The following PIK3CB variants were observed in gnomAD, a reference collection of about 807,000 sequenced individuals.
PIK3CB encodes phosphatidylinositol 4,5-bisphosphate 3-kinase catalytic subunit beta isoform.
PIK3CB carries 39 observed loss-of-function variants against 136.8 expected under a neutral mutation model. That is an observed-to-expected ratio of 0.29 (90% confidence interval 0.22 to 0.37). The LOEUF (loss-of-function observed/expected upper bound fraction) is 0.37. PIK3CB is among the 10% of genes least tolerant of loss of function. The probability of loss-of-function intolerance (pLI) is 1.00; values close to 1 mark genes in which losing one functional copy is unlikely to be tolerated. For missense variants in PIK3CB, 868 were observed against 1,275.4 expected, an observed-to-expected ratio of 0.68 and a Z score of 4.87; for synonymous variants, 428 against 436.6, an observed-to-expected ratio of 0.98 and a Z score of 0.25.
chr3:138,701,361 G>T (rs1217963783), intron 12 of PIK3CB, among the ~76,000 whole-genome samples: 2 of 152,026 alleles, frequency 1.3e-5, no homozygotes, highest in Non-Finnish European at 2.9e-5. Context: ...GAGAAAACTG[G>T]CTAAATTTGA....
intron 19 of PIK3CB, among the ~76,000 whole-genome samples, chr3:138,667,650 C>T (rs2108433018): frequency 6.6e-6 from 1 of 151,530 alleles, no homozygotes; most frequent in African/African-American, 2.4e-5. Flanking sequence ...CAAGCTCCAC[C>T]TCCCGGGTTC....
intron 10 of PIK3CB, among the ~76,000 whole-genome samples, chr3:138,711,278 G>T (rs1452352718): frequency 6.7e-6 from 1 of 149,886 alleles, no homozygotes; most frequent in Non-Finnish European, 1.5e-5. Context: ...ATTAAAATAA[G>T]AAATATATTC....
chr3:138,828,619 C>G (rs1389453502), intron 1 of PIK3CB, among the ~76,000 whole-genome samples: 1 of 151,872 alleles, frequency 6.6e-6, no homozygotes, highest in Admixed American at 6.6e-5. Flanking sequence ...AATAAGCAAG[C>G]TGGGAGAGGT....
In PIK3CB at chr3:138,655,520, G is replaced by A. The variant is rs1453170251; in HGVS notation, c.3082C>T (p.Leu1028Phe). ...TCTTCTTCACTCTTCCCTAATGCAA[G>A]AGAGTCCTAAAATGGAAGGGGGAAA... ...VKDIQYLKDSLALGKSEEEAL... is the reference protein window; with the variant it reads ...VKDIQYLKDSFALGKSEEEAL... Residue 1028 changes from leucine to phenylalanine, a missense_variant, in exon 24 of 24, where the codon CTT becomes TTT. Coordinates refer to ENST00000674063, the MANE Select transcript of PIK3CB (RefSeq NM_006219.3). The A allele has an allele frequency of 2.5e-6, 4 of 1,610,008 alleles. No individual in the cohort carries two copies.
intron 2 of PIK3CB, among the ~76,000 whole-genome samples, chr3:138,779,388 CTTTTTTTTTTT>C (rs753018315): frequency 8.9e-6 from 1 of 112,058 alleles, no homozygotes; most frequent in Non-Finnish European, 1.7e-5. Context: ...GCCCGGCCTT[CTTTTTTTTTTT>C]TTTTTTTTTG....
intron 4 of PIK3CB, among the ~76,000 whole-genome samples, chr3:138,751,971 TAAAAA>T (rs11328258): frequency 8.7e-6 from 1 of 114,690 alleles, no homozygotes; most frequent in Non-Finnish European, 1.8e-5. Flanking sequence ...ACTCTGTATA[TAAAAA>T]AAAAAAAAAA....
At chr3:138,802,966 T>C (rs1261957018) in intron 1 of PIK3CB, among the ~76,000 whole-genome samples, 1 of 152,210 alleles carries the variant, frequency 6.6e-6, no homozygotes. Context: ...GCCAACTCTT[T>C]AGCTAAAAGA....
chr3:138,784,995 C>A (rs898253319), intron 2 of PIK3CB, among the ~76,000 whole-genome samples: 1 of 151,946 alleles, frequency 6.6e-6, no homozygotes. Flanking sequence ...CCCCTCCACC[C>A]GGCAGCCGCC....
chr3:138,660,712 C>CA (rs2043281113), intron 21 of PIK3CB, among the ~76,000 whole-genome samples: 1 of 151,966 alleles, frequency 6.6e-6, no homozygotes, highest in African/African-American at 2.4e-5. Flanking sequence ...GTTATCATCA[C>CA]AAAAAAAGAT....
intron 8 of PIK3CB, among the ~76,000 whole-genome samples, chr3:138,732,473 T>C (rs866669058): frequency 2.0e-5 from 3 of 152,086 alleles, no homozygotes; most frequent in African/African-American, 7.2e-5. Flanking sequence ...CAACAAACAT[T>C]TCAAACAAAC....
chr3:138,734,675 G>C lies in PIK3CB; in HGVS notation c.931C>G (p.Leu311Val), dbSNP rs1430112003. Residue 311 changes from leucine (L) to valine (V), a missense_variant, in exon 7 of 24, where the codon CTT becomes GTT. Coordinates refer to ENST00000674063, the MANE Select transcript of PIK3CB (RefSeq NM_006219.3). ...EAAINRNSSN[L>V]PLPLPPKKTR... is the part of the protein sequence containing the mutation. ...TTCTTTGGTGGTAATGGAAGAGGAA[G>C]ATTAGATGAATTTCGATTTATGGCA... 1 of 1,612,936 alleles carries C rather than the reference G, an allele frequency of 6.2e-7. No homozygotes were observed. Among genetic ancestry groups the C allele is most frequent in the Non-Finnish European group, 8.5e-7 (1 of 1,179,296 alleles).
At chr3:138,809,606 C>CAAAAAAA (rs57717750) in intron 1 of PIK3CB, among the ~76,000 whole-genome samples, 11 of 113,576 alleles carry the variant, frequency 9.7e-5, no homozygotes, top group Non-Finnish European at 1.5e-4. Flanking sequence ...GACTTTGCCT[C>CAAAAAAA]AAAAAAAAAA....
chr3:138,696,162 G>A (rs1223555783), intron 13 of PIK3CB, among the ~76,000 whole-genome samples: 1 of 150,432 alleles, frequency 6.6e-6, no homozygotes, highest in African/African-American at 2.4e-5. Flanking sequence ...GGAATGCCTA[G>A]TAATTTTTAA....
At chr3:138,811,030 C>T (rs1418379579) in intron 1 of PIK3CB, among the ~76,000 whole-genome samples, 1 of 151,730 alleles carries the variant, frequency 6.6e-6, no homozygotes, top group African/African-American at 2.4e-5. Flanking sequence ...CGTTTGACAC[C>T]AGCCTGGTCA....
rs1462609531 is a variant in PIK3CB, at chr3:138,660,939, CT to C, written c.2796+2966del. On this transcript the variant is annotated intron_variant, in intron 21 of 23. Transcript: ENST00000674063. ...GTAGGCTTGCTTGTTGATTGGTGGACTTCCTTGTATAGAAACTAGGGAGAAA... is the reference window on the plus strand; with the variant it reads ...GTAGGCTTGCTTGTTGATTGGTGGACTCCTTGTATAGAAACTAGGGAGAAA... 4.6e-5 allele frequency among the ~76,000 whole-genome samples: 7 copies of C among 152,296 alleles called. No individual in the cohort carries two copies. In the East Asian group the frequency reaches 7.7e-4, roughly 17 times the overall value.
intron 19 of PIK3CB, among the ~76,000 whole-genome samples, chr3:138,670,100 A>G (rs954624688): frequency 1.9e-4 from 29 of 152,236 alleles, no homozygotes; most frequent in African/African-American, 6.0e-4. Context: ...CACTAGGTTT[A>G]TTTCCAGCAC....
At chr3:138,715,658 C>T (rs1292988771) in intron 8 of PIK3CB, among the ~76,000 whole-genome samples, 1 of 151,922 alleles carries the variant, frequency 6.6e-6, no homozygotes, top group Non-Finnish European at 1.5e-5. Flanking sequence ...ACACATACTT[C>T]ATCTATAGAT....
In PIK3CB at chr3:138,737,734, A is replaced by G; in HGVS notation, c.774T>C (p.Phe258=). ...GGAACTGAATTAGTGGATGATCACCAAAAACATATTCTACTCTCCCGCTGA... is the reference window on the plus strand; with the variant it reads ...GGAACTGAATTAGTGGATGATCACCGAAAACATATTCTACTCTCCCGCTGA... ...LQVSGRVEYV[F]GDHPLIQFQY... is the part of the protein sequence containing the mutation. Residue 258 remains phenylalanine (F), a synonymous_variant, in exon 6 of 24, where the codon TTT becomes TTC. Coordinates refer to ENST00000674063, the MANE Select transcript of PIK3CB (RefSeq NM_006219.3). 1 of 1,606,448 alleles carries G rather than the reference A, an allele frequency of 6.2e-7. No homozygotes were observed. The highest frequency in any genetic ancestry group is 8.5e-7 in the Non-Finnish European group (1 of 1,176,192).
intron 2 of PIK3CB, among the ~76,000 whole-genome samples, chr3:138,772,199 G>C (rs1362489945): frequency 1.3e-5 from 2 of 152,056 alleles, no homozygotes; most frequent in Admixed American, 1.3e-4. Context: ...ATTAGAATTA[G>C]AACTGTGTTT....
Sources: gnomAD v4.1 joint callset for allele counts (sites outside exome capture counted in the v4.1 genomes callset) on GRCh38, gnomAD v4.1.1 for gene constraint, MANE v1.5 for transcripts, NCBI Gene and HGNC (gene_info 2026-07-23, HGNC 2026-07-21) for gene names.